WDR45B: variants seen among roughly 807,000 people sequenced by gnomAD.
WDR45B encodes WD repeat domain phosphoinositide-interacting protein 3.
A neutral mutation model predicts 44.6 loss-of-function variants in WDR45B; 20 were observed. The observed-to-expected ratio is 0.45, with a 90% confidence interval of 0.32 to 0.65. The LOEUF (loss-of-function observed/expected upper bound fraction) is 0.65, where lower values mean the gene tolerates loss of function less well. WDR45B is among the 30% of genes least tolerant of loss of function. WDR45B has a pLI of 0.05. For synonymous variants in WDR45B, 169 were observed against 164.9 expected, an observed-to-expected ratio of 1.02 and a Z score of -0.19; for missense variants, 323 against 430.2, an observed-to-expected ratio of 0.75 and a Z score of 2.20.
chr17:82,616,504 C>A lies in WDR45B; in HGVS notation c.928+20G>T. 1.2e-6 allele frequency: 2 copies of A among 1,613,526 alleles called. No homozygotes were observed. The highest frequency in any genetic ancestry group is 1.7e-6 in the Non-Finnish European group (2 of 1,179,886). Reference sequence around the variant, plus strand: ...CAGGTGGGGCGGGTGGGGACGTTCTCTCCAGGAAGGACCACTCACCAATGA... The same window carrying A: ...CAGGTGGGGCGGGTGGGGACGTTCTATCCAGGAAGGACCACTCACCAATGA... On this transcript the variant is annotated intron_variant, in intron 9 of 9. Transcript: ENST00000392325.
chr17:82,626,060 T>A (rs1331873056), intron 4 of WDR45B: 1 of 160,012 alleles, frequency 6.2e-6, no homozygotes, highest in Non-Finnish European at 1.4e-5. Context: ...TTTTTGTATT[T>A]TTAGTAGAGA....
intron 6 of WDR45B, among the ~76,000 whole-genome samples, chr17:82,620,739 G>C (rs1207547508): frequency 6.6e-6 from 1 of 152,132 alleles, no homozygotes; most frequent in East Asian, 1.9e-4. Flanking sequence ...AATTTTCTTT[G>C]TAAAAATCTG....
chr17:82,636,806 T>TG (rs2045838814), intron 2 of WDR45B, among the ~76,000 whole-genome samples: 1 of 152,010 alleles, frequency 6.6e-6, no homozygotes. Flanking sequence ...AACTCACACC[T>TG]GTTCCCTTGG....
At chr17:82,644,443 G>A (rs935084215) in intron 1 of WDR45B, 7 of 232,630 alleles carry the variant, frequency 3.0e-5, no homozygotes, top group Non-Finnish European at 5.2e-5. Flanking sequence ...TCCAGGAACC[G>A]GGAAGGTGAG....
rs1211526286 is a variant in WDR45B at position 82,619,138 on chromosome 17, A to C, written c.619-10T>G. ...TTCTTATAAGCGTCCCCTTTGAAAA[A>C]CAGTGAAGTGTTTCATTATCAAAGA... On this transcript the variant is annotated splice_polypyrimidine_tract_variant and intron_variant, in intron 6 of 9. Coordinates refer to ENST00000392325, the MANE Select transcript of WDR45B (RefSeq NM_019613.4). 1 of 1,613,068 alleles carries C rather than the reference A, an allele frequency of 6.2e-7. No homozygotes were observed. Among genetic ancestry groups the C allele is most frequent in the Admixed American group, 1.7e-5 (1 of 60,026 alleles).
intron 2 of WDR45B, among the ~76,000 whole-genome samples, chr17:82,631,732 C>G (rs2045771085): frequency 6.6e-6 from 1 of 151,390 alleles, no homozygotes; most frequent in Admixed American, 6.6e-5. Flanking sequence ...GCTGAGCACA[C>G]AACACCCTAG....
intron 5 of WDR45B, among the ~76,000 whole-genome samples, chr17:82,624,572 T>C (rs1230111698): frequency 6.9e-6 from 1 of 144,138 alleles, no homozygotes; most frequent in Non-Finnish European, 1.5e-5. Flanking sequence ...CTGTTCTGTC[T>C]TGACTGTGAC....
chr17:82,628,517 C>A lies in WDR45B; in HGVS notation c.245-1226G>T, dbSNP rs115094143. Among the ~76,000 whole-genome samples, 1,285 of 151,736 alleles carry A rather than the reference C, an allele frequency of 8.5e-3. 16 individuals carry two copies. Among genetic ancestry groups the A allele is most frequent in the African/African-American group, 0.029 (1,204 of 41,366 alleles). On this transcript the variant is annotated intron_variant, in intron 3 of 9. Transcript: ENST00000392325. ...ACTTTGGGAGGCTGGGGTGTGAGATCGCTTGAGGCCAAGAGTTCAAGACCA... is the reference window on the plus strand; with the variant it reads ...ACTTTGGGAGGCTGGGGTGTGAGATAGCTTGAGGCCAAGAGTTCAAGACCA...
intron 5 of WDR45B, among the ~76,000 whole-genome samples, chr17:82,624,477 C>G (rs964575057): frequency 6.6e-6 from 1 of 152,208 alleles, no homozygotes; most frequent in Non-Finnish European, 1.5e-5. Context: ...GACCAGGATG[C>G]TCTCTATCTC....
At chr17:82,646,654 T>C (rs934899553) in intron 1 of WDR45B, among the ~76,000 whole-genome samples, 2 of 152,150 alleles carry the variant, frequency 1.3e-5, no homozygotes, top group African/African-American at 4.8e-5. Flanking sequence ...AATTTCTTAA[T>C]TGTTAGTGAC....
Position 82,625,400 on chromosome 17 carries a change from T to A in WDR45B, c.416A>T (p.Tyr139Phe). The A allele has an allele frequency of 1.2e-6, 2 of 1,614,140 alleles. No individual in the cohort carries two copies. The highest frequency in any genetic ancestry group is 1.7e-6 in the Non-Finnish European group (2 of 1,179,978). ...PHQLHVFETC[Y>F]NPKGLCVLCP... ...GCTCAATCTCTCACCTTTGGGGTTA[T>A]AGCAGGTTTCGAAGACGTGCAACTG... Residue 139 changes from tyrosine to phenylalanine, a missense_variant, in exon 5 of 10, where the codon TAT (tyrosine) becomes TTT (phenylalanine). By Grantham distance (22) the Tyr-to-Phe change is conservative (BLOSUM62 3). Transcript: ENST00000392325.
chr17:82,634,124 C>A (rs969187687), intron 2 of WDR45B, among the ~76,000 whole-genome samples: 1 of 118,638 alleles, frequency 8.4e-6, no homozygotes, highest in Non-Finnish European at 1.6e-5. Context: ...GCACGCCAGC[C>A]TGGGTGACAC....
Position 82,615,798 on chromosome 17 carries a change from G to A in WDR45B, c.*121C>T, listed in dbSNP as rs1313721702. 2.9e-5 allele frequency: 25 copies of A among 871,650 alleles called. No homozygotes were observed. Among genetic ancestry groups the A allele is most frequent in the Middle Eastern group, 3.3e-4 (1 of 2,986 alleles). The allele number at this position is 871,650 out of a possible 1,614,324, so 54.0% of individuals were successfully genotyped here. On this transcript the variant is annotated 3_prime_UTR_variant, in exon 10 of 10. Transcript: ENST00000392325. ...AAAGCAGACAACCACGTATGGCTTCGAGACCAAGGTCCCTGGGCAGCCCCT... is the reference window on the plus strand; with the variant it reads ...AAAGCAGACAACCACGTATGGCTTCAAGACCAAGGTCCCTGGGCAGCCCCT...
Position 82,629,417 on chromosome 17 carries a change from C to T in WDR45B, c.244+1504G>A, listed in dbSNP as rs150470174. ...TGCCCTGCTCTCTCTGTGGAACCTCCGCTGTCCCTTCTGGGTGGGCTCCTC... is the reference window on the plus strand; with the variant it reads ...TGCCCTGCTCTCTCTGTGGAACCTCTGCTGTCCCTTCTGGGTGGGCTCCTC... On this transcript the variant is annotated intron_variant, in intron 3 of 9. Coordinates refer to ENST00000392325, the MANE Select transcript of WDR45B (RefSeq NM_019613.4). 4.2e-5 allele frequency: 34 copies of T among 802,576 alleles called. No individual in the cohort carries two copies. In the East Asian group the frequency reaches 1.9e-3, roughly 44 times the overall value. The allele number at this position is 802,576 out of a possible 1,614,324, so 49.7% of individuals were successfully genotyped here. A position where few individuals can be genotyped will look rare whatever the true frequency, so the allele number is the denominator to read the frequency against.
intron 5 of WDR45B, among the ~76,000 whole-genome samples, chr17:82,623,632 A>T (rs1402364052): frequency 6.6e-6 from 1 of 150,918 alleles, no homozygotes; most frequent in Non-Finnish European, 1.5e-5. Context: ...TGGGAGGCAG[A>T]GGCTGCAGTG....
At position 82,615,846 on chromosome 17, in the gene WDR45B, C is replaced by G; in HGVS notation, c.*73G>C. 6.9e-7 allele frequency: 1 copy of G among 1,452,658 alleles called. No homozygotes were observed. Among genetic ancestry groups the G allele is most frequent in the South Asian group, 1.1e-5 (1 of 87,876 alleles). The allele number at this position is 1,452,658 out of a possible 1,614,324, so 90.0% of individuals were successfully genotyped here. A position where few individuals can be genotyped will look rare whatever the true frequency, so the allele number is the denominator to read the frequency against. ...CCTCCAGCCCGTGGCCCAGGAGGCC[C>G]CTGGGGCACTGGCACCAGCCCCGAG... On this transcript the variant is annotated 3_prime_UTR_variant, in exon 10 of 10. Coordinates refer to ENST00000392325, the MANE Select transcript of WDR45B (RefSeq NM_019613.4).
chr17:82,628,968 C>G (rs574457730), intron 3 of WDR45B, among the ~76,000 whole-genome samples: 7 of 152,044 alleles, frequency 4.6e-5, no homozygotes, highest in Non-Finnish European at 1.5e-5. Flanking sequence ...CAACTGCATT[C>G]CAGCCTGGGC....
At chr17:82,627,798 TC>T (rs1178900424) in intron 3 of WDR45B, among the ~76,000 whole-genome samples, 10 of 152,246 alleles carry the variant, frequency 6.6e-5, no homozygotes, top group Non-Finnish European at 1.0e-4. Context: ...CTGGTTACGT[TC>T]CTCTCCCTGA....
intron 2 of WDR45B, among the ~76,000 whole-genome samples, chr17:82,640,902 G>C (rs1223658439): frequency 6.6e-6 from 1 of 151,850 alleles, no homozygotes; most frequent in African/African-American, 2.4e-5. Context: ...ATATGTGTGT[G>C]ATGAGCTAAA....
Sources: allele counts gnomAD v4.1 joint callset (sites outside exome capture counted in the v4.1 genomes callset), GRCh38; gene constraint gnomAD v4.1.1; transcripts MANE v1.5; gene names NCBI Gene and HGNC (gene_info 2026-07-23, HGNC 2026-07-21).